Variants in TRMT6 observed in about 807,000 individuals in gnomAD.
TRMT6 encodes tRNA methyltransferase 6 non-catalytic subunit.
A neutral mutation model predicts 59.0 loss-of-function variants in TRMT6; 34 were observed. That is an observed-to-expected ratio of 0.58 (90% CI 0.44 to 0.77). The LOEUF (loss-of-function observed/expected upper bound fraction) is 0.77. Ranked by LOEUF, TRMT6 falls within the 30% of genes least tolerant of loss-of-function variation. The pLI is 0.00. For missense variants in TRMT6, 575 were observed against 604.5 expected (o/e 0.95, Z 0.51); for synonymous variants, 217 against 210.5 (o/e 1.03, Z -0.27).
Position 5,950,423 on chromosome 20 carries a change from C to T in TRMT6, c.-18G>A, listed in dbSNP as rs1348094534. ...CCCTCCATGACGCTCAGCCGGTCGCCGTGCTCCACGGCGTCCCGCCCCTCC... is the reference window on the plus strand; with the variant it reads ...CCCTCCATGACGCTCAGCCGGTCGCTGTGCTCCACGGCGTCCCGCCCCTCC... On this transcript the variant is annotated 5_prime_UTR_variant, in exon 1 of 11. Coordinates refer to ENST00000203001, the MANE Select transcript of TRMT6 (RefSeq NM_015939.5). 6.4e-7 allele frequency: 1 copy of T among 1,554,310 alleles called. No homozygotes were observed. The highest frequency in any genetic ancestry group is 1.4e-5 in the African/African-American group (1 of 74,062).
Position 5,943,554 on chromosome 20 carries a change from C to G in TRMT6, c.667+5G>C. On this transcript the variant is annotated splice_donor_5th_base_variant and intron_variant, in intron 6 of 10. Coordinates refer to ENST00000203001, the MANE Select transcript of TRMT6 (RefSeq NM_015939.5). Reference sequence around the variant, plus strand: ...TTTGTTGAAAATGGAAATATTAAATCTTACCTCCCATTCGTTCCATCATTG... The same window carrying G: ...TTTGTTGAAAATGGAAATATTAAATGTTACCTCCCATTCGTTCCATCATTG... 1 of 1,613,728 alleles carries G rather than the reference C, an allele frequency of 6.2e-7. No homozygotes were observed. The highest frequency in any genetic ancestry group is 8.5e-7 in the Non-Finnish European group (1 of 1,179,878).
In TRMT6 at chr20:5,950,430, CA is replaced by C; in HGVS notation, c.-26del. 6.5e-7 allele frequency: 1 copy of C among 1,530,160 alleles called. No homozygotes were observed. The highest frequency in any genetic ancestry group is 8.7e-7 in the Non-Finnish European group (1 of 1,143,194). The allele number at this position is 1,530,160 out of a possible 1,614,324, so 94.8% of individuals were successfully genotyped here. ...TGACGCTCAGCCGGTCGCCGTGCTC[CA>C]CGGCGTCCCGCCCCTCCTCCTCGGT... is the stretch of plus-strand genomic sequence containing the variant. On this transcript the variant is annotated 5_prime_UTR_variant, in exon 1 of 11. Coordinates refer to ENST00000203001, the MANE Select transcript of TRMT6 (RefSeq NM_015939.5).
Position 5,950,396 on chromosome 20 carries a change from A to T in TRMT6, c.10T>A (p.Ser4Thr). ...GGTTGTGGGCCCGGCTGCTCCCCTG[A>T]GCCCTCCATGACGCTCAGCCGGTCG... MEGSGEQPGPQPQH... is the reference protein window; with the variant it reads MEGTGEQPGPQPQH... Residue 4 changes from serine (S) to threonine (T), a missense_variant, in exon 1 of 11, where the codon TCA (serine) becomes ACA (threonine). Ser to Thr is a moderately conservative substitution (Grantham distance 58). Transcript: ENST00000203001. The T allele has an allele frequency of 6.2e-7, 1 of 1,600,974 alleles. No individual in the cohort carries two copies. The highest frequency in any genetic ancestry group is 8.5e-7 in the Non-Finnish European group (1 of 1,178,412).
Position 5,941,281 on chromosome 20 carries a change from G to A in TRMT6, c.1177C>T (p.Pro393Ser). The A allele has an allele frequency of 6.2e-7, 1 of 1,614,156 alleles. No individual in the cohort carries two copies. The highest frequency in any genetic ancestry group is 8.5e-7 in the Non-Finnish European group (1 of 1,180,016). ...CAGTAGACCACAAACGGCCTTGAAG[G>A]GGCCACAAAGTCCAGCAAAGACAGC... Reference protein sequence around the residue: ...LLLSLLDFVAPSRPFVVYCQY... With the variant: ...LLLSLLDFVASSRPFVVYCQY... The change falls in exon 9 of 11, where the codon CCT becomes TCT. Residue 393 changes from proline to serine, a missense_variant. By Grantham distance (74) the Pro-to-Ser change is moderately conservative. Transcript: ENST00000203001.
Position 5,950,497 on chromosome 20 carries a change from T to C in TRMT6, c.-92A>G. The C allele has an allele frequency of 4.3e-6, 6 of 1,407,954 alleles. No homozygotes were observed. Among genetic ancestry groups the C allele is most frequent in the Admixed American group, 2.5e-5 (1 of 39,920 alleles). 87.2% of individuals were successfully genotyped at this position (1,407,954 alleles called of 1,614,324 possible). On this transcript the variant is annotated 5_prime_UTR_variant, in exon 1 of 11. Transcript: ENST00000203001. ...CCTCACTTCCCACAACCTGGCGCAC[T>C]AGGAGCCCTCCGACCGGCACCGCCC... is the stretch of plus-strand genomic sequence containing the variant.
At chr20:5,942,104 CCTGTCAAAACATTTCAA>C (rs1354158220) in intron 7 of TRMT6, 68 bp from the exon 8 acceptor site, 2 of 1,313,312 alleles carry the variant, frequency 1.5e-6, no homozygotes, top group Non-Finnish European at 2.2e-6. Flanking sequence ...AATGCTCTGG[CCTGTCAAAACATTTCAA>C]CAATATTTAT....
At position 5,942,511 on chromosome 20, in the gene TRMT6, G is replaced by A; in HGVS notation, c.943C>T (p.Pro315Ser). 6.2e-7 allele frequency: 1 copy of A among 1,613,924 alleles called. No homozygotes were observed. Reference protein sequence around the residue: ...SMAEAPESNHPEDQETMETIS... With the variant: ...SMAEAPESNHSEDQETMETIS... ...GTTTCCATTGTTTCCTGGTCTTCTG[G>A]GTGGTTGCTCTCTGGGGCCTCTGCC... The change falls in exon 7 of 11, where the codon CCA becomes TCA. Residue 315 changes from proline to serine, a missense_variant. Coordinates refer to ENST00000203001, the MANE Select transcript of TRMT6 (RefSeq NM_015939.5).
Position 5,937,548 on chromosome 20 carries a change from C to G in TRMT6, c.*987G>C, listed in dbSNP as rs181655929. 2 of 152,288 alleles carry G rather than the reference C, an allele frequency of 1.3e-5. No individual in the cohort carries two copies. The highest frequency in any genetic ancestry group is 1.3e-4 in the Admixed American group (2 of 15,304). 9.4% of individuals were successfully genotyped at this position (152,288 alleles called of 1,614,324 possible). On this transcript the variant is annotated 3_prime_UTR_variant, in exon 11 of 11. Coordinates refer to ENST00000203001, the MANE Select transcript of TRMT6 (RefSeq NM_015939.5). ...ATCTAATCATGACAGAGTTCTTCAG[C>G]ATTAATAATCAAGAAAGGCACTTTA...
chr20:5,944,315 A>G, intron 3 of TRMT6, 62 bp from the exon 4 acceptor site: 1 of 1,044,498 alleles, frequency 9.6e-7, no homozygotes, highest in Non-Finnish European at 1.4e-6. Context: ...AGTAATTTCC[A>G]AAGGCTTCTT....
chr20:5,945,702 A>G (rs2088699906), intron 2 of TRMT6, among the ~76,000 whole-genome samples: 1 of 152,236 alleles, frequency 6.6e-6, no homozygotes. Context: ...TTTGACTCAA[A>G]ACTTTAACAG....
chr20:5,938,586 C>A lies in TRMT6; in HGVS notation c.1443G>T (p.Glu481Asp), dbSNP rs754805405. The A allele has an allele frequency of 3.7e-6, 6 of 1,614,214 alleles. No individual in the cohort carries two copies. Among genetic ancestry groups the A allele is most frequent in the Non-Finnish European group, 4.2e-6 (5 of 1,180,020 alleles). Residue 481 changes from glutamate (E) to aspartate (D), a missense_variant, in exon 11 of 11, where the codon GAG becomes GAT. Coordinates refer to ENST00000203001, the MANE Select transcript of TRMT6 (RefSeq NM_015939.5). ...KSNASTLESH[E>D]TEEPAAKKRK... ...GTTTTTTAGCTGCAGGCTCCTCAGT[C>A]TCGTGTGATTCTAAAGTGCTTGCAT...
Position 5,941,237 on chromosome 20 carries a change from T to C in TRMT6, c.1215+6A>G. The C allele has an allele frequency of 1.9e-6, 3 of 1,612,680 alleles. No individual in the cohort carries two copies. The highest frequency in any genetic ancestry group is 2.5e-6 in the Non-Finnish European group (3 of 1,178,736). ...AGAATTCCTGCCCATTCCATTCCAG[T>C]ATTACCTCTTTGTACTGACAGTAGA... On this transcript the variant is annotated splice_donor_region_variant and intron_variant, in intron 9 of 10. Coordinates refer to ENST00000203001, the MANE Select transcript of TRMT6 (RefSeq NM_015939.5).
rs547527102 is a variant in TRMT6 at position 5,942,322 on chromosome 20, C to T, written c.1026+106G>A. 7.4e-5 allele frequency: 73 copies of T among 992,970 alleles called. 3 individuals carry two copies. In the Middle Eastern group the frequency reaches 1.7e-3, roughly 23 times the overall value. The allele number at this position is 992,970 out of a possible 1,614,324, so 61.5% of individuals were successfully genotyped here. On this transcript the variant is annotated intron_variant, in intron 7 of 10. Transcript: ENST00000203001. ...ACTCGTTCTCTGTTTTGATAGTTAT[C>T]ATCTTGGGAGCTAATACACCAAAGC...
At chr20:5,946,761 C>T (rs1428042280) in intron 1 of TRMT6, among the ~76,000 whole-genome samples, 1 of 152,112 alleles carries the variant, frequency 6.6e-6, no homozygotes, top group Admixed American at 6.5e-5. Context: ...AGCAAAGACT[C>T]ATCGAAGTAA....
rs573747548 is a variant in TRMT6, at chr20:5,950,205, T to C, written c.128+73A>G. 13 of 1,431,952 alleles carry C rather than the reference T, an allele frequency of 9.1e-6. No homozygotes were observed. In the Admixed American group the frequency reaches 1.3e-4, roughly 14 times the overall value. The allele number at this position is 1,431,952 out of a possible 1,614,324, so 88.7% of individuals were successfully genotyped here. A position where few individuals can be genotyped will look rare whatever the true frequency, so the allele number is the denominator to read the frequency against. On this transcript the variant is annotated intron_variant, in intron 1 of 10. Coordinates refer to ENST00000203001, the MANE Select transcript of TRMT6 (RefSeq NM_015939.5). ...ATGGCACCCTGGCGGAAGAATTCTG[T>C]GGAGAAACCTGGAGGGAGGGGGTAT... is the stretch of plus-strand genomic sequence containing the variant.
chr20:5,947,481 T>C (rs1426239697), intron 1 of TRMT6, among the ~76,000 whole-genome samples: 1 of 152,254 alleles, frequency 6.6e-6, no homozygotes, highest in Non-Finnish European at 1.5e-5. Flanking sequence ...ATTGCTGGTC[T>C]CTGGGTGTGT....
At position 5,938,423 on chromosome 20, in the gene TRMT6, T is replaced by A. The variant is rs73085187; in HGVS notation, c.*112A>T. Reference sequence around the variant, plus strand: ...CTCCTCCTTCCTAGAAACGGGTACATAGACATGTTCTTATTCTTGGGATAT... The same window carrying A: ...CTCCTCCTTCCTAGAAACGGGTACAAAGACATGTTCTTATTCTTGGGATAT... On this transcript the variant is annotated 3_prime_UTR_variant, in exon 11 of 11. Transcript: ENST00000203001. The A allele has an allele frequency of 1.8e-6, 2 of 1,131,996 alleles. No individual in the cohort carries two copies. Among genetic ancestry groups the A allele is most frequent in the Non-Finnish European group, 2.5e-6 (2 of 788,516 alleles). The allele number at this position is 1,131,996 out of a possible 1,614,324, so 70.1% of individuals were successfully genotyped here.
At chr20:5,943,533 T>C in intron 6 of TRMT6, 26 bp downstream of exon 6, 2 of 1,613,040 alleles carry the variant, frequency 1.2e-6, no homozygotes, top group Non-Finnish European at 1.7e-6. Flanking sequence ...TGGGGTTTTG[T>C]TGAAAATGGA....
chr20:5,944,319 G>T lies in TRMT6; in HGVS notation c.367-66C>A, dbSNP rs567065196. ...TTCACAAAACAAGTAATTTCCAAAG[G>T]CTTCTTACCCAAGAATGGATCCAAT... On this transcript the variant is annotated intron_variant, in intron 3 of 10. Coordinates refer to ENST00000203001, the MANE Select transcript of TRMT6 (RefSeq NM_015939.5). 35 of 981,898 alleles carry T rather than the reference G, an allele frequency of 3.6e-5. 1 individual carries two copies. In the South Asian group the frequency reaches 5.1e-4, roughly 14 times the overall value. 60.8% of individuals were successfully genotyped at this position (981,898 alleles called of 1,614,324 possible). A position where few individuals can be genotyped will look rare whatever the true frequency, so the allele number is the denominator to read the frequency against.
Sources: gnomAD v4.1 joint callset for allele counts (sites outside exome capture counted in the v4.1 genomes callset) on GRCh38, gnomAD v4.1.1 for gene constraint, MANE v1.5 for transcripts, NCBI Gene and HGNC (gene_info 2026-07-23, HGNC 2026-07-21) for gene names.